The following CASS4 variants were observed in gnomAD, a reference collection of about 807,000 sequenced individuals.
The protein encoded by CASS4 is cas scaffolding protein family member 4.
Under a neutral mutation model 54.2 loss-of-function variants are expected in CASS4, and 22 were observed. The ratio of observed to expected loss-of-function variants is 0.41; its 90% CI spans 0.29 to 0.58. CASS4 has a LOEUF of 0.58. CASS4 is among the 20% of genes least tolerant of loss of function. The pLI is 0.36. For synonymous variants in CASS4, 409 were observed against 391.5 expected, an observed-to-expected ratio of 1.04 and a Z score of -0.53; for missense variants, 854 against 986.7, an observed-to-expected ratio of 0.87 and a Z score of 1.80.
rs775091205 is a variant in CASS4 at position 56,452,066 on chromosome 20, A to G, written c.890A>G (p.Asn297Ser). 7 of 1,614,052 alleles carry G rather than the reference A, an allele frequency of 4.3e-6. No individual in the cohort carries two copies. Among genetic ancestry groups the G allele is most frequent in the South Asian group, 3.3e-5 (3 of 91,088 alleles). The change falls in exon 5 of 6, where the codon AAT (asparagine) becomes AGT (serine). Residue 297 changes from asparagine to serine, a missense_variant. Asn to Ser is a conservative substitution (Grantham distance 46). Coordinates refer to ENST00000679887, the MANE Select transcript of CASS4 (RefSeq NM_020356.4). ...TCCCTCACTCCACAACTGAATAACA[A>G]TGTGCCCATGCAGAAAAAACTCAGC... ...SRSLTPQLNN[N>S]VPMQKKLSLP...
At chr20:56,424,478 C>T (rs182594082) in intron 1 of CASS4, among the ~76,000 whole-genome samples, 2 of 152,180 alleles carry the variant, frequency 1.3e-5, no homozygotes, top group Admixed American at 1.3e-4. Flanking sequence ...TGGTGGCTCA[C>T]GCCTGTAATC....
At chr20:56,453,430 A>C in intron 5 of CASS4, 1 of 222,458 alleles carries the variant, frequency 4.5e-6, no homozygotes, top group Non-Finnish European at 8.8e-6. Flanking sequence ...AAAATTTATT[A>C]TTTGAGTAGA....
intron 1 of CASS4, among the ~76,000 whole-genome samples, chr20:56,436,328 C>CTA (rs1237981945): frequency 8.8e-5 from 12 of 136,888 alleles, no homozygotes; most frequent in South Asian, 4.6e-4. Context: ...TAATGGATTG[C>CTA]TATATATATG....
intron 3 of CASS4, among the ~76,000 whole-genome samples, chr20:56,446,407 A>T (rs988170148): frequency 3.9e-5 from 6 of 152,124 alleles, no homozygotes; most frequent in African/African-American, 1.2e-4. Flanking sequence ...TATAATAGAT[A>T]TTTAATATAT....
chr20:56,412,084 C>T (rs1275624714), upstream of CASS4: 1 of 307,568 alleles, frequency 3.3e-6, no homozygotes. This position sits in a 1 kb window ranked among gnomAD's most constrained non-coding sequence, Gnocchi z 4.2. Context: ...CTGAGCTCTT[C>T]GAAGTAGGAA....
At chr20:56,416,076 G>A (rs1236073580) in intron 1 of CASS4, among the ~76,000 whole-genome samples, 1 of 152,150 alleles carries the variant, frequency 6.6e-6, no homozygotes, top group East Asian at 1.9e-4. Context: ...TTGAGGTGGA[G>A]TTTCACTCTG....
intron 2 of CASS4, among the ~76,000 whole-genome samples, chr20:56,443,790 G>A (rs1183719881): frequency 3.3e-5 from 5 of 152,152 alleles, no homozygotes; most frequent in Non-Finnish European, 7.3e-5. Context: ...GATAGAGGGG[G>A]AGTCCTGGAC....
chr20:56,433,760 T>C (rs1980027045), intron 1 of CASS4, among the ~76,000 whole-genome samples: 1 of 152,196 alleles, frequency 6.6e-6, no homozygotes, highest in African/African-American at 2.4e-5. Flanking sequence ...GATAGCTTCA[T>C]ATCTTCCCTC....
At position 56,458,515 on chromosome 20, in the gene CASS4, T is replaced by C. The variant is rs1981423228; in HGVS notation, c.2129T>C (p.Ile710Thr). The stretch of plus-strand genomic sequence containing the variant: ...ATCATCACTCAGAGCAAGCTGGTCA[T>C]CATGGTGGGACAGAAGCTGGTGGAC... ...AEIITQSKLV[I>T]MVGQKLVDTL... Residue 710 changes from isoleucine to threonine, a missense_variant, in exon 6 of 6, where the codon ATC becomes ACC. Transcript: ENST00000679887. The C allele has an allele frequency of 6.2e-7, 1 of 1,614,142 alleles. No individual in the cohort carries two copies. The highest frequency in any genetic ancestry group is 1.1e-5 in the South Asian group (1 of 91,076).
chr20:56,448,039 G>C (rs929736899), intron 3 of CASS4, among the ~76,000 whole-genome samples: 9 of 152,036 alleles, frequency 5.9e-5, no homozygotes, highest in African/African-American at 2.2e-4. Context: ...CTACTCGGGA[G>C]GCTGAGGCAG....
intron 1 of CASS4, among the ~76,000 whole-genome samples, chr20:56,432,034 G>A (rs1194237730): frequency 5.9e-5 from 9 of 152,064 alleles, no homozygotes. Flanking sequence ...CAATTAATAG[G>A]GAATCAATGA....
intron 1 of CASS4, among the ~76,000 whole-genome samples, chr20:56,425,821 C>T (rs952558805): frequency 1.3e-5 from 2 of 152,186 alleles, no homozygotes; most frequent in African/African-American, 4.8e-5. Flanking sequence ...CCTCTAACTC[C>T]CCAGACCCCT....
chr20:56,420,140 C>CA (rs1382906592), intron 1 of CASS4, among the ~76,000 whole-genome samples: 1 of 152,202 alleles, frequency 6.6e-6, no homozygotes, highest in Non-Finnish European at 1.5e-5. Context: ...CCTGGCCACT[C>CA]AGAGAGTTTC....
At chr20:56,451,766 G>T in intron 4 of CASS4, 53 bp from the exon 5 acceptor site, 1 of 1,362,098 alleles carries the variant, frequency 7.3e-7, no homozygotes, top group Middle Eastern at 2.4e-4. Flanking sequence ...CAACGCACTC[G>T]CGCCCTCTTT....
In CASS4 at chr20:56,459,275, C is replaced by G. The variant is rs559492456; in HGVS notation, c.*528C>G. On this transcript the variant is annotated 3_prime_UTR_variant, in exon 6 of 6. Coordinates refer to ENST00000679887, the MANE Select transcript of CASS4 (RefSeq NM_020356.4). ...ATATTTATTACTGAACCCAGCCAAC[C>G]AATGCATTCATAACAGATTCAGAAA... 2 of 156,938 alleles carry G rather than the reference C, an allele frequency of 1.3e-5. No individual in the cohort carries two copies. Among genetic ancestry groups the G allele is most frequent in the Admixed American group, 6.3e-5 (1 of 15,880 alleles). The allele number at this position is 156,938 out of a possible 1,614,324, so 9.7% of individuals were successfully genotyped here.
At chr20:56,443,884 A>G (rs1024618243) in intron 2 of CASS4, among the ~76,000 whole-genome samples, 2 of 152,182 alleles carry the variant, frequency 1.3e-5, no homozygotes, top group African/African-American at 2.4e-5. Flanking sequence ...CCCCCAGGCG[A>G]GAGTGGGATG....
At chr20:56,429,632 T>C (rs1012867480) in intron 1 of CASS4, among the ~76,000 whole-genome samples, 2 of 152,014 alleles carry the variant, frequency 1.3e-5, no homozygotes, top group African/African-American at 4.8e-5. Context: ...TCACTCATAC[T>C]CACACACGCC....
rs950385870 is a variant in CASS4, at chr20:56,460,356, A to G, written c.*1609A>G. The G allele has an allele frequency of 6.6e-6, 1 of 152,562 alleles. No individual in the cohort carries two copies. The highest frequency in any genetic ancestry group is 1.9e-4 in the East Asian group (1 of 5,174). 9.5% of individuals were successfully genotyped at this position (152,562 alleles called of 1,614,324 possible). A position where few individuals can be genotyped will look rare whatever the true frequency, so the allele number is the denominator to read the frequency against. On this transcript the variant is annotated 3_prime_UTR_variant, in exon 6 of 6. Transcript: ENST00000679887. Reference sequence around the variant, plus strand: ...ACAATTGCTTTTGCACCACCCTAATAATATTAAATATAATCATGACTTTAA... The same window carrying G: ...ACAATTGCTTTTGCACCACCCTAATGATATTAAATATAATCATGACTTTAA...
In CASS4 at chr20:56,452,710, C is replaced by G; in HGVS notation, c.1534C>G (p.Leu512Val). 1 of 1,614,144 alleles carries G rather than the reference C, an allele frequency of 6.2e-7. No individual in the cohort carries two copies. Among genetic ancestry groups the G allele is most frequent in the Non-Finnish European group, 8.5e-7 (1 of 1,180,026 alleles). Residue 512 changes from leucine to valine, a missense_variant, in exon 5 of 6, where the codon CTT becomes GTT. Leu to Val is a conservative substitution (Grantham distance 32). Transcript: ENST00000679887. ...GTACNLTDSN[L>V]QNRIRDQMQT... ...TGCCTGTAACCTCACTGACAGTAAC[C>G]TTCAGAACAGAATTCGGGACCAGAT...
Sources: gnomAD v4.1 joint callset for allele counts (sites outside exome capture counted in the v4.1 genomes callset) on GRCh38, gnomAD v4.1.1 for gene constraint, Gnocchi (gnomAD v3.1) non-coding constraint, MANE v1.5 for transcripts, NCBI Gene and HGNC (gene_info 2026-07-23, HGNC 2026-07-21) for gene names.